The following GRIA1 variants were observed in gnomAD, a reference collection of about 807,000 sequenced individuals.
GRIA1 encodes the protein glutamate ionotropic receptor AMPA type subunit 1, also known as glutamate receptor 1.
A neutral mutation model predicts 99.2 loss-of-function variants in GRIA1; 31 were observed. The ratio of observed to expected loss-of-function variants is 0.31; its 90% CI spans 0.23 to 0.42. GRIA1 has a LOEUF of 0.42. Among genes scored for constraint, GRIA1 ranks in the 10% least tolerant of loss-of-function variants. The pLI, the probability that GRIA1 is intolerant of heterozygous loss-of-function variation, is 1.00. For synonymous variants in GRIA1, 438 were observed against 432.4 expected (o/e 1.01, Z -0.16); for missense variants, 782 against 1,157.5 (o/e 0.68, Z 4.71).
intron 2 of GRIA1, among the ~76,000 whole-genome samples, chr5:153,586,104 C>T (rs1468514945): frequency 6.6e-6 from 1 of 152,178 alleles, no homozygotes; most frequent in Non-Finnish European, 1.5e-5. Context: ...ACACAGTCCA[C>T]TCTTGTGAGC....
intron 2 of GRIA1, among the ~76,000 whole-genome samples, chr5:153,577,283 T>G (rs1762653474): frequency 6.6e-6 from 1 of 152,204 alleles, no homozygotes; most frequent in Admixed American, 6.5e-5. Flanking sequence ...CTATGGTAAC[T>G]CCAGCTTCAG....
intron 4 of GRIA1, 48 bp downstream of exon 4, chr5:153,650,562 G>T: frequency 1.3e-6 from 2 of 1,563,232 alleles, no homozygotes; most frequent in Non-Finnish European, 8.7e-7. Context: ...GGTGATTCAG[G>T]AATAGCCAGA....
At chr5:153,642,425 T>C (rs952662255) in intron 2 of GRIA1, among the ~76,000 whole-genome samples, 1 of 152,076 alleles carries the variant, frequency 6.6e-6, no homozygotes, top group Non-Finnish European at 1.5e-5. Flanking sequence ...TCTTAATTAT[T>C]ACTATCAGAA....
intron 2 of GRIA1, among the ~76,000 whole-genome samples, chr5:153,565,190 T>C (rs1158632411): frequency 6.6e-6 from 1 of 152,240 alleles, no homozygotes; most frequent in Non-Finnish European, 1.5e-5. Flanking sequence ...AGTACTTCTA[T>C]GGCGGACTTA....
chr5:153,549,901 C>A, intron 2 of GRIA1, among the ~76,000 whole-genome samples: 1 of 152,106 alleles, frequency 6.6e-6, no homozygotes, highest in Non-Finnish European at 1.5e-5. Context: ...TGTCCTCCAT[C>A]CATTAAATAA....
chr5:153,502,022 CT>C (rs1755054739), intron 2 of GRIA1, among the ~76,000 whole-genome samples: 1 of 152,214 alleles, frequency 6.6e-6, no homozygotes, highest in Non-Finnish European at 1.5e-5. Flanking sequence ...CAAACTGCTC[CT>C]TCCATACTGC....
intron 11 of GRIA1, among the ~76,000 whole-genome samples, chr5:153,743,658 T>G (rs867640310): frequency 3.3e-5 from 5 of 151,816 alleles, no homozygotes; most frequent in African/African-American, 9.7e-5. Flanking sequence ...TTCCTCCAGA[T>G]GGAGAAAATT....
chr5:153,787,633 G>A (rs1167970262), intron 13 of GRIA1, among the ~76,000 whole-genome samples: 1 of 152,194 alleles, frequency 6.6e-6, no homozygotes, highest in Non-Finnish European at 1.5e-5. Flanking sequence ...ATTCAAGTAA[G>A]TAATTATTAT....
At chr5:153,678,862 C>G (rs1308827874) in intron 7 of GRIA1, among the ~76,000 whole-genome samples, 1 of 152,210 alleles carries the variant, frequency 6.6e-6, no homozygotes, top group Non-Finnish European at 1.5e-5. Context: ...TCTGGATGAC[C>G]TTGAAACATT....
chr5:153,753,867 G>A (rs897645786), intron 11 of GRIA1, among the ~76,000 whole-genome samples: 1 of 152,314 alleles, frequency 6.6e-6, no homozygotes, highest in African/African-American at 2.4e-5. Context: ...GGCTCCCTGG[G>A]AGGATAATCA....
chr5:153,567,935 G>A (rs1761792763), intron 2 of GRIA1, among the ~76,000 whole-genome samples: 1 of 152,164 alleles, frequency 6.6e-6, no homozygotes, highest in Admixed American at 6.5e-5. Flanking sequence ...ATAATTGGAA[G>A]CCAGTAAGTC....
intron 2 of GRIA1, among the ~76,000 whole-genome samples, chr5:153,551,934 G>A (rs1760182015): frequency 1.3e-5 from 2 of 152,072 alleles, no homozygotes; most frequent in African/African-American, 4.8e-5. Flanking sequence ...ATTCCTTCAA[G>A]AAAGAAGGCA....
intron 2 of GRIA1, among the ~76,000 whole-genome samples, chr5:153,632,230 T>C (rs1208741362): frequency 1.3e-5 from 2 of 152,146 alleles, no homozygotes; most frequent in African/African-American, 4.8e-5. Flanking sequence ...GTGCAATAAG[T>C]CTACAGTGAC....
intron 11 of GRIA1, among the ~76,000 whole-genome samples, chr5:153,707,433 T>TC (rs1464723741): frequency 6.6e-6 from 1 of 152,206 alleles, no homozygotes; most frequent in Non-Finnish European, 1.5e-5. Flanking sequence ...ATGCCACAAT[T>TC]CCCCACCAAT....
chr5:153,644,255 T>C (rs1753975603), intron 2 of GRIA1, among the ~76,000 whole-genome samples: 1 of 152,212 alleles, frequency 6.6e-6, no homozygotes, highest in Non-Finnish European at 1.5e-5. Context: ...GTTATTATAA[T>C]AGACATTTAA....
chr5:153,651,389 A>G (rs1352793703), intron 4 of GRIA1, among the ~76,000 whole-genome samples: 1 of 152,156 alleles, frequency 6.6e-6, no homozygotes, highest in African/African-American at 2.4e-5. Flanking sequence ...ATCTCTCTAA[A>G]CTGTGCTTCC....
intron 2 of GRIA1, among the ~76,000 whole-genome samples, chr5:153,530,462 T>A (rs905121806): frequency 6.6e-6 from 1 of 152,220 alleles, no homozygotes. Flanking sequence ...CATGGGTTCA[T>A]CTTTTCTTTG....
At chr5:153,521,903 T>A (rs1158030200) in intron 2 of GRIA1, among the ~76,000 whole-genome samples, 2 of 152,242 alleles carry the variant, frequency 1.3e-5, no homozygotes, top group Non-Finnish European at 2.9e-5. Context: ...TTTATAGATA[T>A]TTAAATATTT....
At position 153,604,300 on chromosome 5, in the gene GRIA1, C is replaced by G. The variant is rs535012337; in HGVS notation, c.221-42628C>G. On this transcript the variant is annotated intron_variant, in intron 2 of 15. Transcript: ENST00000285900. ...GTGCCTGTAACTTCCTAATCAAACACGTGAGTTACCTTCAAGGGTTACAAA... is the reference window on the plus strand; with the variant it reads ...GTGCCTGTAACTTCCTAATCAAACAGGTGAGTTACCTTCAAGGGTTACAAA... 2.0e-5 allele frequency among the ~76,000 whole-genome samples: 3 copies of G among 152,238 alleles called. No individual in the cohort carries two copies. The South Asian group carries it at 6.2e-4, about 32-fold the overall frequency.
Sources: allele counts gnomAD v4.1 joint callset (sites outside exome capture counted in the v4.1 genomes callset), GRCh38; gene constraint gnomAD v4.1.1; transcripts MANE v1.5; gene names NCBI Gene and HGNC (gene_info 2026-07-23, HGNC 2026-07-21).